PRKCE: variants seen among roughly 807,000 people sequenced by gnomAD.
PRKCE encodes the protein protein kinase C epsilon type.
PRKCE carries 16 observed loss-of-function variants against 85.4 expected under a neutral mutation model. The observed-to-expected ratio is 0.19, with a 90% CI of 0.13 to 0.28. PRKCE has a LOEUF of 0.28. PRKCE is among the 10% of genes least tolerant of loss of function. The pLI, the probability that PRKCE is intolerant of heterozygous loss-of-function variation, is 1.00. For missense variants in PRKCE, 573 were observed against 975.2 expected (o/e 0.59, Z 5.49); for synonymous variants, 388 against 371.5 (o/e 1.04, Z -0.51).
chr2:46,166,991 A>G (rs1187543357), intron 14 of PRKCE: 2 of 152,274 alleles, frequency 1.3e-5, no homozygotes, highest in Non-Finnish European at 2.9e-5. Flanking sequence ...ATCCTGTCTC[A>G]AAAAGAATTA....
Position 45,723,854 on chromosome 2 carries a change from C to T in PRKCE, c.348+71406C>T, listed in dbSNP as rs371467865. ...TCCTGACCTCGTGATCTGCCTGCCT[C>T]GGCCTCCCAAAGTGCTGGGATTACA... is the stretch of plus-strand genomic sequence containing the variant. On this transcript the variant is annotated intron_variant, in intron 1 of 14. Transcript: ENST00000306156. 3.7e-4 allele frequency among the ~76,000 whole-genome samples: 56 copies of T among 152,308 alleles called. 1 individual carries two copies. Among genetic ancestry groups the T allele is most frequent in the African/African-American group, 1.2e-3 (50 of 41,566 alleles).
chr2:46,119,288 A>AG (rs1553353380), intron 11 of PRKCE, among the ~76,000 whole-genome samples: 7 of 151,862 alleles, frequency 4.6e-5, no homozygotes, highest in Admixed American at 1.3e-4. Flanking sequence ...AGAAAAAAAA[A>AG]GGGGGGGTTA....
intron 10 of PRKCE, among the ~76,000 whole-genome samples, chr2:46,077,156 CTCTT>C (rs1301161485): frequency 5.3e-5 from 7 of 131,216 alleles, no homozygotes; most frequent in Admixed American, 3.4e-4. Context: ...TTCTCTCTGT[CTCTT>C]TCTCGTGCAC....
At chr2:45,953,286 C>T (rs1413864580) in intron 2 of PRKCE, among the ~76,000 whole-genome samples, 1 of 152,138 alleles carries the variant, frequency 6.6e-6, no homozygotes, top group Non-Finnish European at 1.5e-5. Flanking sequence ...GAAGATGAGG[C>T]CAAGGCAAGA....
intron 2 of PRKCE, among the ~76,000 whole-genome samples, chr2:45,920,832 T>A (rs908254190): frequency 6.6e-6 from 1 of 152,218 alleles, no homozygotes; most frequent in African/African-American, 2.4e-5. Context: ...TCTCTGAATA[T>A]ACTAAAACAA....
At chr2:45,924,818 A>ATG (rs1222881889) in intron 2 of PRKCE, among the ~76,000 whole-genome samples, 1 of 152,222 alleles carries the variant, frequency 6.6e-6, no homozygotes, top group Non-Finnish European at 1.5e-5. Flanking sequence ...GTGAGGCTGA[A>ATG]TGCAGGACTT....
At chr2:45,886,749 C>T (rs886282653) in intron 2 of PRKCE, among the ~76,000 whole-genome samples, 3 of 152,186 alleles carry the variant, frequency 2.0e-5, no homozygotes, top group African/African-American at 7.2e-5. Context: ...AAACCTTTTT[C>T]TTTAAATGCC....
chr2:45,873,463 A>C (rs1694245581), intron 2 of PRKCE, among the ~76,000 whole-genome samples: 2 of 151,884 alleles, frequency 1.3e-5, no homozygotes, highest in Admixed American at 6.6e-5. Context: ...TGCAAAAAAA[A>C]AAAAAAAAAA....
chr2:46,122,283 G>T (rs1341167605), intron 11 of PRKCE, among the ~76,000 whole-genome samples: 1 of 152,174 alleles, frequency 6.6e-6, no homozygotes, highest in Non-Finnish European at 1.5e-5. Flanking sequence ...CCAGGGTGGA[G>T]TGCAGTGGCG....
chr2:46,014,176 G>T (rs548919504), intron 10 of PRKCE, among the ~76,000 whole-genome samples: 77 of 152,308 alleles, frequency 5.1e-4, no homozygotes, highest in Non-Finnish European at 5.3e-4. Context: ...AACAAATTAA[G>T]CCAGTGGTTT....
intron 1 of PRKCE, among the ~76,000 whole-genome samples, chr2:45,819,873 C>T (rs750553549): frequency 3.9e-5 from 6 of 152,182 alleles, no homozygotes; most frequent in Non-Finnish European, 8.8e-5. Context: ...AGTGAAGCAA[C>T]AATACAGGGA....
intron 10 of PRKCE, among the ~76,000 whole-genome samples, chr2:46,029,989 C>G (rs188166259): frequency 6.6e-6 from 1 of 152,204 alleles, no homozygotes; most frequent in East Asian, 1.9e-4. Flanking sequence ...AGGTGAAAAA[C>G]CCACCCGCAA....
At chr2:45,933,417 A>G (rs990919424) in intron 2 of PRKCE, among the ~76,000 whole-genome samples, 2 of 137,664 alleles carry the variant, frequency 1.5e-5, no homozygotes, top group Admixed American at 1.5e-4. Context: ...ATGTTCACCT[A>G]TGACTTCTTC....
intron 1 of PRKCE, chr2:45,698,018 A>T (rs1484351003): frequency 6.6e-6 from 1 of 152,490 alleles, no homozygotes. Context: ...GGGTATGTCA[A>T]CTCCATGTAG....
At chr2:45,794,845 ACC>A (rs33982229) in intron 1 of PRKCE, among the ~76,000 whole-genome samples, 2,848 of 122,606 alleles carry the variant, frequency 0.023, 85 homozygotes, top group African/African-American at 0.052. Context: ...TTATTGCCCT[ACC>A]CCCCCCCCCA....
At chr2:46,061,859 C>CTTTTTTTTTTT (rs10695600) in intron 10 of PRKCE, among the ~76,000 whole-genome samples, 1 of 107,742 alleles carries the variant, frequency 9.3e-6, no homozygotes, top group Admixed American at 9.6e-5. Flanking sequence ...TTTTCTTTTT[C>CTTTTTTTTTTT]TTTTTTTTTT....
At chr2:46,026,844 G>C (rs936740241) in intron 10 of PRKCE, among the ~76,000 whole-genome samples, 1 of 152,114 alleles carries the variant, frequency 6.6e-6, no homozygotes, top group Non-Finnish European at 1.5e-5. Context: ...CCAAACAGGC[G>C]AGACTAAACA....
At chr2:46,060,510 G>T (rs1271670869) in intron 10 of PRKCE, among the ~76,000 whole-genome samples, 1 of 152,208 alleles carries the variant, frequency 6.6e-6, no homozygotes, top group Non-Finnish European at 1.5e-5. Context: ...CATCCAGAAG[G>T]AGAGGGGAAA....
chr2:46,040,117 C>G (rs543387203), intron 10 of PRKCE, among the ~76,000 whole-genome samples: 2 of 152,324 alleles, frequency 1.3e-5, no homozygotes, highest in South Asian at 2.1e-4. Flanking sequence ...GCCTGTTTGC[C>G]TCTCTGAATA....
Sources: gnomAD v4.1 joint callset for allele counts (sites outside exome capture counted in the v4.1 genomes callset) on GRCh38, gnomAD v4.1.1 for gene constraint, MANE v1.5 for transcripts, NCBI Gene and HGNC (gene_info 2026-07-23, HGNC 2026-07-21) for gene names.